Variants in LRRTM4 observed in about 807,000 individuals in gnomAD.
The protein encoded by LRRTM4 is leucine rich repeat transmembrane neuronal 4, also known as leucine-rich repeat transmembrane neuronal protein 4.
LRRTM4 carries 25 observed loss-of-function variants against 47.6 expected under a neutral mutation model. The ratio of observed to expected loss-of-function variants is 0.53; its 90% CI spans 0.38 to 0.73. LRRTM4 has a LOEUF of 0.73. LRRTM4 is among the 30% of genes least tolerant of loss of function. The pLI, the probability that LRRTM4 is intolerant of heterozygous loss-of-function variation, is 0.00. For missense variants in LRRTM4, 638 were observed against 713.4 expected (o/e 0.89, Z 1.20); for synonymous variants, 311 against 269.5 (o/e 1.15, Z -1.51).
rs370203753 is a variant in LRRTM4, at chr2:76,785,740, T to C, written c.1552-36824A>G. Among the ~76,000 whole-genome samples the C allele has an allele frequency of 1.1e-4, 17 of 152,288 alleles. 1 individual carries two copies. Among genetic ancestry groups the C allele is most frequent in the African/African-American group, 3.6e-4 (15 of 41,566 alleles). ...TGCCAATATTTAGTGGAAAATAAAA[T>C]TGATTTTGATGTATGAGAAGCTTAA... On this transcript the variant is annotated intron_variant, in intron 3 of 3. Transcript: ENST00000409884.
At chr2:77,074,885 C>A (rs752266062) in intron 3 of LRRTM4, among the ~76,000 whole-genome samples, 1 of 150,906 alleles carries the variant, frequency 6.6e-6, no homozygotes, top group Non-Finnish European at 1.5e-5. Context: ...AAACCAGTTA[C>A]ATTGGCAGAG....
intron 3 of LRRTM4, among the ~76,000 whole-genome samples, chr2:77,081,242 ACAG>A (rs1680519778): frequency 8.3e-6 from 1 of 120,858 alleles, no homozygotes; most frequent in African/African-American, 3.7e-5. Flanking sequence ...AAAATACCTG[ACAG>A]CAACACACAC....
At chr2:77,457,474 C>T (rs1676607368) in intron 3 of LRRTM4, among the ~76,000 whole-genome samples, 1 of 152,068 alleles carries the variant, frequency 6.6e-6, no homozygotes, top group Admixed American at 6.6e-5. Context: ...AGAACTTCCA[C>T]ACCAACATTC....
chr2:76,759,297 G>T (rs1433096289), intron 3 of LRRTM4, among the ~76,000 whole-genome samples: 1 of 152,152 alleles, frequency 6.6e-6, no homozygotes, highest in Non-Finnish European at 1.5e-5. Context: ...TCACTGTGAA[G>T]ATCCAGGTCT....
chr2:77,207,893 T>TTTTTTTTG (rs1674184420), intron 3 of LRRTM4, among the ~76,000 whole-genome samples: 20 of 142,410 alleles, frequency 1.4e-4, no homozygotes, highest in Non-Finnish European at 2.4e-4. Flanking sequence ...TTTTTTTTTT[T>TTTTTTTTG]GTGAGATGTA....
In LRRTM4 at chr2:77,519,716, A is replaced by G. The variant is rs1423897475; in HGVS notation, c.153T>C (p.Ala51=). The G allele has an allele frequency of 6.2e-7, 1 of 1,613,464 alleles. No individual in the cohort carries two copies. The highest frequency in any genetic ancestry group is 8.5e-7 in the Non-Finnish European group (1 of 1,179,598). The change falls in exon 3 of 4, where the codon GCT becomes GCC. Residue 51 remains alanine, a synonymous_variant. Coordinates refer to ENST00000409884, the MANE Select transcript of LRRTM4 (RefSeq NM_001134745.3). The surrounding 1 kb of genome is among the most constrained non-coding windows in gnomAD (Gnocchi z 4.6). The part of the protein sequence containing the change: ...DGKIVYCESH[A]FADIPENISG... Reference sequence around the variant, plus strand: ...AAATGTTCTCAGGGATATCTGCGAAAGCATGAGACTCACAGTACACAATTT... The same window carrying G: ...AAATGTTCTCAGGGATATCTGCGAAGGCATGAGACTCACAGTACACAATTT...
At position 77,021,196 on chromosome 2, in the gene LRRTM4, ATATATATCAGTGATG is replaced by A. The variant is rs1312909093; in HGVS notation, c.1552-272295_1552-272281del. Among the ~76,000 whole-genome samples the A allele has an allele frequency of 7.9e-3, 1,201 of 152,212 alleles. 17 individuals are homozygous for A. The highest frequency in any genetic ancestry group is 0.028 in the African/African-American group (1,153 of 41,526). On this transcript the variant is annotated intron_variant, in intron 3 of 3. Transcript: ENST00000409884. The stretch of plus-strand genomic sequence containing the variant: ...TATATATGTATATAATCAGTGATAT[ATATATATCAGTGATG>A]TATATATCAGTGAGAACTATACAGA...
intron 3 of LRRTM4, among the ~76,000 whole-genome samples, chr2:77,319,203 T>C (rs1677716089): frequency 6.6e-6 from 1 of 151,994 alleles, no homozygotes; most frequent in African/African-American, 2.4e-5. Flanking sequence ...CTGGTCAAAA[T>C]AGTGAAACCT....
At chr2:77,053,118 A>G (rs549819471) in intron 3 of LRRTM4, among the ~76,000 whole-genome samples, 30 of 152,294 alleles carry the variant, frequency 2.0e-4, no homozygotes, top group African/African-American at 7.2e-4. Context: ...ACTGGTTTAA[A>G]GAAACCGTAA....
chr2:77,328,105 C>T (rs9309513), intron 3 of LRRTM4, among the ~76,000 whole-genome samples: 14,213 of 152,138 alleles, frequency 0.093, 1,245 homozygotes, highest in African/African-American at 0.23. Flanking sequence ...CTGTGCTAAA[C>T]CCTAGGTGAC....
chr2:76,913,325 T>C (rs1674135644), intron 3 of LRRTM4, among the ~76,000 whole-genome samples: 1 of 152,008 alleles, frequency 6.6e-6, no homozygotes, highest in Admixed American at 6.6e-5. Flanking sequence ...TTTTCTAAAG[T>C]GAGTGATATA....
At chr2:77,490,683 C>T (rs1678117722) in intron 3 of LRRTM4, among the ~76,000 whole-genome samples, 1 of 152,020 alleles carries the variant, frequency 6.6e-6, no homozygotes, top group Admixed American at 6.6e-5. Flanking sequence ...AGAGCCGCCA[C>T]CTGCTAAAAC....
At chr2:77,434,524 G>GCAAAAATTAATTAGA (rs1183178441) in intron 3 of LRRTM4, among the ~76,000 whole-genome samples, 12 of 151,518 alleles carry the variant, frequency 7.9e-5, no homozygotes. Context: ...TAAAAGAGCT[G>GCAAAAATTAATTAGA]GTGGCAGAAA....
chr2:76,933,447 C>G (rs1025480166), intron 3 of LRRTM4, among the ~76,000 whole-genome samples: 1 of 151,864 alleles, frequency 6.6e-6, no homozygotes, highest in African/African-American at 2.4e-5. Flanking sequence ...TCAAATTTTA[C>G]GTAGTTATCT....
At chr2:77,238,056 G>C (rs979128389) in intron 3 of LRRTM4, among the ~76,000 whole-genome samples, 1 of 152,060 alleles carries the variant, frequency 6.6e-6, no homozygotes, top group Admixed American at 6.6e-5. Flanking sequence ...GAATGAACAA[G>C]TCTGAACATC....
At position 77,058,161 on chromosome 2, in the gene LRRTM4, G is replaced by C. The variant is rs538396081; in HGVS notation, c.1552-309245C>G. On this transcript the variant is annotated intron_variant, in intron 3 of 3. Coordinates refer to ENST00000409884, the MANE Select transcript of LRRTM4 (RefSeq NM_001134745.3). The stretch of plus-strand genomic sequence containing the variant: ...TCAAACAACCAACAAAAAGTTCCAA[G>C]GAAAGTCAGTCTGTTTGAGGTTGCT... Among the ~76,000 whole-genome samples the C allele has an allele frequency of 5.2e-4, 79 of 152,220 alleles. 1 individual carries two copies. In the Middle Eastern group the frequency reaches 0.024, roughly 46 times the overall value.
At chr2:76,755,002 C>T (rs946956524) in intron 3 of LRRTM4, among the ~76,000 whole-genome samples, 3 of 152,148 alleles carry the variant, frequency 2.0e-5, no homozygotes, top group African/African-American at 7.2e-5. Flanking sequence ...CCTCCACAGA[C>T]TCAAATATAT....
intron 3 of LRRTM4, among the ~76,000 whole-genome samples, chr2:76,779,969 T>C (rs1420042074): frequency 2.0e-5 from 3 of 152,078 alleles, no homozygotes; most frequent in Non-Finnish European, 4.4e-5. Context: ...GGTGACAAAA[T>C]CTCTCAGCAT....
chr2:77,350,826 T>C (rs377489248), intron 3 of LRRTM4, among the ~76,000 whole-genome samples: 2 of 152,180 alleles, frequency 1.3e-5, no homozygotes, highest in Non-Finnish European at 2.9e-5. Flanking sequence ...TCACCAGTAC[T>C]CAGAAATATG....
Sources: allele counts gnomAD v4.1 joint callset (sites outside exome capture counted in the v4.1 genomes callset), GRCh38; gene constraint gnomAD v4.1.1; non-coding constraint Gnocchi (gnomAD v3.1); transcripts MANE v1.5; gene names NCBI Gene and HGNC (gene_info 2026-07-23, HGNC 2026-07-21).